Variants in TRHDE observed in about 807,000 individuals in gnomAD.
The protein encoded by TRHDE is thyrotropin releasing hormone degrading enzyme.
In TRHDE, 72 loss-of-function variants were observed where a neutral mutation model predicts 125.7. That is an observed-to-expected ratio of 0.57 (90% CI 0.47 to 0.70). The LOEUF (loss-of-function observed/expected upper bound fraction) is 0.70. Ranked by LOEUF, TRHDE falls within the 30% of genes least tolerant of loss-of-function variation. TRHDE has a pLI of 0.00. For synonymous variants in TRHDE, 509 were observed against 509.1 expected, an observed-to-expected ratio of 1.00 and a Z score of 0.00; for missense variants, 1,110 against 1,327.1, an observed-to-expected ratio of 0.84 and a Z score of 2.54.
At chr12:72,494,555 G>T (rs1307702168) in intron 5 of TRHDE, among the ~76,000 whole-genome samples, 1 of 151,840 alleles carries the variant, frequency 6.6e-6, no homozygotes, top group Non-Finnish European at 1.5e-5. Flanking sequence ...CTTAAAATTA[G>T]TCAGTCTTCC....
At chr12:72,220,890 G>A (rs1233990322) in intron 2 of TRHDE, among the ~76,000 whole-genome samples, 2 of 151,934 alleles carry the variant, frequency 1.3e-5, no homozygotes, top group Non-Finnish European at 2.9e-5. Context: ...GTTAGTATAG[G>A]TGTGGTTGTT....
intron 2 of TRHDE, among the ~76,000 whole-genome samples, chr12:72,351,386 A>T (rs1180924209): frequency 1.3e-5 from 2 of 151,980 alleles, no homozygotes; most frequent in Admixed American, 1.3e-4. Context: ...TGATGGATCC[A>T]TGGAAAATTC....
chr12:72,141,496 C>G (rs1212246181), intron 2 of TRHDE, among the ~76,000 whole-genome samples: 2 of 152,096 alleles, frequency 1.3e-5, no homozygotes, highest in Non-Finnish European at 2.9e-5. Flanking sequence ...AGAATGACCA[C>G]CAGGGGGTTC....
intron 6 of TRHDE, among the ~76,000 whole-genome samples, chr12:72,535,350 C>A (rs975278217): frequency 8.6e-5 from 13 of 151,946 alleles, no homozygotes; most frequent in Non-Finnish European, 1.2e-4. Context: ...TGATGTGGCC[C>A]ATAGGATGGA....
Position 72,594,353 on chromosome 12 carries a change from T to C in TRHDE, c.2321+18811T>C, listed in dbSNP as rs1871828526. ...TCATATCTAGACCAGCCTGACCACTTCGAGAAACCCCGTCTCCACCATGCC... is the reference window on the plus strand; with the variant it reads ...TCATATCTAGACCAGCCTGACCACTCCGAGAAACCCCGTCTCCACCATGCC... On this transcript the variant is annotated intron_variant, in intron 12 of 18. Coordinates refer to ENST00000261180, the MANE Select transcript of TRHDE (RefSeq NM_013381.3). Among the ~76,000 whole-genome samples the C allele has an allele frequency of 4.0e-5, 6 of 151,780 alleles. No homozygotes were observed. The South Asian group carries it at 1.2e-3, about 32-fold the overall frequency.
At chr12:72,255,459 C>T (rs1044395158) in intron 2 of TRHDE, 4 of 152,228 alleles carry the variant, frequency 2.6e-5, no homozygotes, top group Non-Finnish European at 5.9e-5. Flanking sequence ...TGAGTAGGTT[C>T]CCCAAGGTTC....
chr12:72,295,921 A>T (rs950233677), intron 2 of TRHDE, among the ~76,000 whole-genome samples: 3 of 152,214 alleles, frequency 2.0e-5, no homozygotes, highest in Non-Finnish European at 2.9e-5. Flanking sequence ...TTGGATTACA[A>T]TCTATTTAGG....
rs536980064 is a variant in TRHDE at position 72,232,664 on chromosome 12, C to T, written n.279+126912C>T. On this transcript the variant is annotated intron_variant and non_coding_transcript_variant, in intron 2 of 4. Coordinates refer to the TRHDE transcript ENST00000548156. The stretch of plus-strand genomic sequence containing the variant: ...CAGCCCCAGCATCCTCTTTGCTAAA[C>T]TCTAGTATTCCAGGGAGGCTCTGAC... Among the ~76,000 whole-genome samples, 455 of 152,224 alleles carry T rather than the reference C, an allele frequency of 3.0e-3. 1 individual carries two copies. The highest frequency in any genetic ancestry group is 5.1e-3 in the Non-Finnish European group (347 of 68,012).
intron 2 of TRHDE, among the ~76,000 whole-genome samples, chr12:72,188,723 A>G (rs1021204808): frequency 4.6e-5 from 7 of 152,182 alleles, no homozygotes; most frequent in Admixed American, 2.0e-4. Context: ...TTTTTTGTAT[A>G]TGTGAAAGAC....
intron 2 of TRHDE, among the ~76,000 whole-genome samples, chr12:72,242,454 A>G (rs1429032012): frequency 1.3e-5 from 2 of 152,158 alleles, no homozygotes; most frequent in Non-Finnish European, 2.9e-5. Flanking sequence ...TGCTCAGAGA[A>G]GAAATTTATG....
intron 3 of TRHDE, among the ~76,000 whole-genome samples, chr12:72,432,795 C>T (rs562582306): frequency 7.2e-4 from 109 of 152,280 alleles, no homozygotes; most frequent in Non-Finnish European, 1.4e-3. Context: ...CTTTCTAATA[C>T]AGATGCCTTT....
intron 1 of TRHDE, among the ~76,000 whole-genome samples, chr12:72,275,101 A>G (rs776813396): frequency 2.0e-5 from 3 of 152,222 alleles, no homozygotes; most frequent in Non-Finnish European, 4.4e-5. Context: ...ACAACAGCAG[A>G]AAATGGGCTC....
chr12:72,102,248 C>T (rs906423938), intron 1 of TRHDE, among the ~76,000 whole-genome samples: 1 of 152,066 alleles, frequency 6.6e-6, no homozygotes, highest in African/African-American at 2.4e-5. Context: ...AATAGCAGGG[C>T]TTAGAGTAGG....
rs1028461660 is a variant in TRHDE, at chr12:72,665,139, G to A, written c.*1944G>A. ...ACACTGCGATGGAGGTCCCAAATAT[G>A]TGGTCTATCACCACTGAATTCATGT... is the stretch of plus-strand genomic sequence containing the variant. On this transcript the variant is annotated 3_prime_UTR_variant, in exon 19 of 19. Transcript: ENST00000261180. 1 of 151,966 alleles carries A rather than the reference G, an allele frequency of 6.6e-6. No individual in the cohort carries two copies. Among genetic ancestry groups the A allele is most frequent in the Admixed American group, 6.6e-5 (1 of 15,236 alleles). 9.4% of individuals were successfully genotyped at this position (151,966 alleles called of 1,614,324 possible). A position where few individuals can be genotyped will look rare whatever the true frequency, so the allele number is the denominator to read the frequency against.
intron 2 of TRHDE, among the ~76,000 whole-genome samples, chr12:72,347,945 G>A (rs1870404451): frequency 6.6e-6 from 1 of 151,980 alleles, no homozygotes. Flanking sequence ...ATACCAGTAG[G>A]CAGGGGGACA....
chr12:72,474,675 C>T (rs974617653), intron 5 of TRHDE, among the ~76,000 whole-genome samples: 9 of 152,040 alleles, frequency 5.9e-5, no homozygotes, highest in South Asian at 2.1e-4. Flanking sequence ...GTCAGTGGAT[C>T]GATTGCTTCC....
intron 2 of TRHDE, chr12:72,255,717 G>A (rs1481822805): frequency 6.6e-6 from 1 of 152,176 alleles, no homozygotes; most frequent in Non-Finnish European, 1.5e-5. Flanking sequence ...GTTTCAGGCA[G>A]TTCTTCCTTA....
chr12:72,295,143 G>C (rs1445712531), intron 2 of TRHDE, among the ~76,000 whole-genome samples: 1 of 148,648 alleles, frequency 6.7e-6, no homozygotes, highest in Non-Finnish European at 1.5e-5. Flanking sequence ...GCTGGGGGAT[G>C]GGGGGTGGTT....
At chr12:72,138,306 C>T (rs1187615087) in intron 2 of TRHDE, among the ~76,000 whole-genome samples, 5 of 151,802 alleles carry the variant, frequency 3.3e-5, no homozygotes, top group African/African-American at 1.2e-4. Flanking sequence ...ACCTAGGAGG[C>T]GGAGGTTGCA....
Sources: gnomAD v4.1 joint callset for allele counts (sites outside exome capture counted in the v4.1 genomes callset) on GRCh38, gnomAD v4.1.1 for gene constraint, MANE v1.5 for transcripts, NCBI Gene and HGNC (gene_info 2026-07-23, HGNC 2026-07-21) for gene names.